The following SWT1 variants were observed in gnomAD, a reference collection of about 807,000 sequenced individuals.
The protein encoded by SWT1 is SWT1 RNA endoribonuclease homolog.
A neutral mutation model predicts 107.3 loss-of-function variants in SWT1; 33 were observed. That is an observed-to-expected ratio of 0.31 (90% confidence interval 0.23 to 0.41). The LOEUF (loss-of-function observed/expected upper bound fraction) is 0.41, where lower values mean the gene tolerates loss of function less well. SWT1 is among the 10% of genes least tolerant of loss of function. SWT1 has a pLI of 1.00. For synonymous variants in SWT1, 345 were observed against 348.3 expected (o/e 0.99, Z 0.11); for missense variants, 898 against 1,028.9 (o/e 0.87, Z 1.74).
chr1:185,280,325 T>C (rs1664538044), intron 18 of SWT1, among the ~76,000 whole-genome samples: 1 of 152,204 alleles, frequency 6.6e-6, no homozygotes, highest in Admixed American at 6.5e-5. Context: ...CTCTTTCCTT[T>C]ATAAATTACC....
chr1:185,231,165 G>A (rs1204577415), intron 15 of SWT1, among the ~76,000 whole-genome samples: 34 of 152,046 alleles, frequency 2.2e-4, no homozygotes, highest in Admixed American at 2.1e-3. Context: ...ATTAATTTAC[G>A]ATAAATTTCT....
intron 18 of SWT1, among the ~76,000 whole-genome samples, 174 bp from the exon 19 acceptor site, chr1:185,290,500 G>A (rs143198514): frequency 2.1e-3 from 321 of 152,168 alleles, no homozygotes; most frequent in Middle Eastern, 3.4e-3. Flanking sequence ...TAATGCATAT[G>A]TTATTTAGCT....
intron 16 of SWT1, among the ~76,000 whole-genome samples, chr1:185,270,663 C>T (rs7542721): frequency 0.52 from 78,948 of 151,980 alleles, 22,001 homozygotes; most frequent in African/African-American, 0.74. Flanking sequence ...GAGCCATGAT[C>T]ACACCACTGC....
At chr1:185,169,754 T>G (rs956711990) in intron 4 of SWT1, among the ~76,000 whole-genome samples, 5 of 151,756 alleles carry the variant, frequency 3.3e-5, no homozygotes, top group African/African-American at 1.2e-4. Flanking sequence ...TTTCAGAACT[T>G]AAATGCTAAC....
At chr1:185,225,488 T>G (rs1302107398) in intron 15 of SWT1, among the ~76,000 whole-genome samples, 2 of 152,200 alleles carry the variant, frequency 1.3e-5, no homozygotes, top group Non-Finnish European at 2.9e-5. Flanking sequence ...AAAATTGGTA[T>G]TAATTTTTCT....
At chr1:185,189,363 T>G (rs1656751504) in intron 9 of SWT1, among the ~76,000 whole-genome samples, 1 of 152,202 alleles carries the variant, frequency 6.6e-6, no homozygotes, top group Non-Finnish European at 1.5e-5. Flanking sequence ...TGTCAGCAGC[T>G]GATTAACATT....
intron 15 of SWT1, chr1:185,227,570 AT>A: frequency 2.0e-6 from 1 of 512,800 alleles, no homozygotes. Flanking sequence ...AGTGTGTTGT[AT>A]TTATTTTTAT....
intron 6 of SWT1, among the ~76,000 whole-genome samples, chr1:185,181,419 A>G (rs1208726741): frequency 2.0e-5 from 3 of 152,252 alleles, no homozygotes; most frequent in Non-Finnish European, 2.9e-5. Context: ...TTGTGTCACA[A>G]TACATCAGAG....
intron 16 of SWT1, among the ~76,000 whole-genome samples, chr1:185,269,010 G>C (rs1038150800): frequency 6.6e-6 from 1 of 151,858 alleles, no homozygotes; most frequent in Admixed American, 6.6e-5. Flanking sequence ...CCGCCACTAC[G>C]CCCGGCTAAT....
At chr1:185,191,274 A>T (rs1192013705) in intron 10 of SWT1, among the ~76,000 whole-genome samples, 1 of 152,034 alleles carries the variant, frequency 6.6e-6, no homozygotes, top group Admixed American at 6.6e-5. Flanking sequence ...CTCCCTACTA[A>T]TATTTCCATA....
At chr1:185,277,814 C>CT (rs372717086) in intron 18 of SWT1, among the ~76,000 whole-genome samples, 239 of 146,884 alleles carry the variant, frequency 1.6e-3, no homozygotes, top group African/African-American at 4.8e-3. Flanking sequence ...TAGTTCTCAT[C>CT]TTTTTTTTTT....
rs539557688 is a variant in SWT1 at position 185,232,351 on chromosome 1, C to T, written c.2441+643C>T. Among the ~76,000 whole-genome samples, 196 of 152,240 alleles carry T rather than the reference C, an allele frequency of 1.3e-3. 2 individuals carry two copies. The highest frequency in any genetic ancestry group is 4.5e-3 in the African/African-American group (189 of 41,542). On this transcript the variant is annotated intron_variant, in intron 16 of 18. Transcript: ENST00000367500. Reference sequence around the variant, plus strand: ...TTTTAGCTGTGTAAAAACTTCTGTTCACTCTAGATTGCATAAAAGCCATAC... The same window carrying T: ...TTTTAGCTGTGTAAAAACTTCTGTTTACTCTAGATTGCATAAAAGCCATAC...
intron 10 of SWT1, among the ~76,000 whole-genome samples, chr1:185,193,926 A>G (rs1657171738): frequency 6.6e-6 from 1 of 152,222 alleles, no homozygotes; most frequent in Admixed American, 6.5e-5. Context: ...GCATTGATGA[A>G]TTGGAGAATT....
At chr1:185,214,685 T>G in intron 14 of SWT1, 30 bp downstream of exon 14, 1 of 1,567,928 alleles carries the variant, frequency 6.4e-7, no homozygotes, top group South Asian at 1.2e-5. Flanking sequence ...CCAGTTAGAG[T>G]AGCTAATTAT....
intron 15 of SWT1, among the ~76,000 whole-genome samples, chr1:185,225,829 A>G (rs1660007324): frequency 6.6e-6 from 1 of 152,178 alleles, no homozygotes; most frequent in Non-Finnish European, 1.5e-5. Flanking sequence ...TATTCATTGT[A>G]AGATTTTGTT....
At chr1:185,263,739 T>A (rs1056849501) in intron 16 of SWT1, 7 of 152,310 alleles carry the variant, frequency 4.6e-5, no homozygotes, top group Non-Finnish European at 8.8e-5. Flanking sequence ...TCAGCTCCCA[T>A]AGATTGACCC....
Position 185,231,603 on chromosome 1 carries a change from CAA to C in SWT1, c.2338_2339del (p.Asn780PhefsTer12). The C allele has an allele frequency of 6.2e-7, 1 of 1,610,176 alleles. No homozygotes were observed. Among genetic ancestry groups the C allele is most frequent in the Non-Finnish European group, 8.5e-7 (1 of 1,177,350 alleles). ...ACGGATGTATTTCAAAGATTGGGCT[CAA>C]ATTCAGCTCTGACTACTTCAAATAT... On this transcript the variant is annotated frameshift_variant, in exon 16 of 19. Transcript: ENST00000367500. LOFTEE classifies it high-confidence loss of function.
At chr1:185,279,860 T>C (rs974391996) in intron 18 of SWT1, among the ~76,000 whole-genome samples, 2 of 152,036 alleles carry the variant, frequency 1.3e-5, no homozygotes, top group African/African-American at 4.8e-5. Context: ...GGACAGTTAA[T>C]GTTTAAGACA....
intron 17 of SWT1, 80 bp downstream of exon 17, chr1:185,271,469 C>G: frequency 6.9e-6 from 5 of 721,210 alleles, no homozygotes; most frequent in Non-Finnish European, 1.2e-5. Flanking sequence ...TAGGAGTTCT[C>G]AAACATAGTG....
Sources: allele counts gnomAD v4.1 joint callset (sites outside exome capture counted in the v4.1 genomes callset), GRCh38; gene constraint gnomAD v4.1.1; transcripts MANE v1.5; gene names NCBI Gene and HGNC (gene_info 2026-07-23, HGNC 2026-07-21).